The following ZNF726 variants were observed in gnomAD, a reference collection of about 807,000 sequenced individuals.
ZNF726 encodes zinc finger protein 726, also known as zinc finger protein 92 pseudogene 3.
In ZNF726, 15 loss-of-function variants were observed where a neutral mutation model predicts 11.6. The observed-to-expected ratio is 1.29, with a 90% CI of 0.86 to 1.99. ZNF726 has a LOEUF of 1.99. Ranked by LOEUF, ZNF726 falls within the 30% of genes most tolerant of loss-of-function variation. The pLI, the probability that ZNF726 is intolerant of heterozygous loss-of-function variation, is 0.00. For synonymous variants in ZNF726, 295 were observed against 243.6 expected (o/e 1.21, Z -1.96); for missense variants, 890 against 725.6 (o/e 1.23, Z -2.60).
At chr19:23,939,732 G>C (rs113882165) in intron 3 of ZNF726, among the ~76,000 whole-genome samples, 1 of 152,048 alleles carries the variant, frequency 6.6e-6, no homozygotes, top group African/African-American at 2.4e-5. Flanking sequence ...GGAATAAGGT[G>C]GTATGGCATT....
downstream of ZNF726, chr19:23,935,177 A>G (rs1004696506): frequency 2.5e-6 from 1 of 407,852 alleles, no homozygotes; most frequent in Non-Finnish European, 5.0e-6. Context: ...GTGGGGAGAG[A>G]CCCAGTGGGA....
rs530511958 is a variant in ZNF726, at chr19:23,943,594, G to C, written c.322+5G>C. The C allele has an allele frequency of 2.3e-4, 143 of 620,536 alleles. 3 individuals are homozygous for C. The South Asian group carries it at 2.7e-3, about 12-fold the overall frequency. 38.4% of individuals were successfully genotyped at this position (620,536 alleles called of 1,614,324 possible). On this transcript the variant is annotated splice_donor_5th_base_variant and intron_variant, in intron 4 of 4. Transcript: ENST00000334589. ...AGACAGTAGTCAAATACTCAGGTAG[G>C]TAAGCATGAATGAAGCCGATAACAC...
intron 3 of ZNF726, among the ~76,000 whole-genome samples, chr19:23,926,786 T>G (rs1967998980): frequency 6.6e-6 from 1 of 152,142 alleles, no homozygotes; most frequent in Non-Finnish European, 1.5e-5. Context: ...GGGCTCTCTA[T>G]TCTGTTCTTT....
intron 4 of ZNF726, chr19:23,943,811 A>AC: frequency 2.8e-6 from 1 of 362,084 alleles, no homozygotes; most frequent in Non-Finnish European, 5.0e-6. Context: ...CTTTGAGGGT[A>AC]CCATGAGAAC....
Position 23,914,955 on chromosome 19 carries a change from G to C in ZNF726, c.-40G>C, listed in dbSNP as rs200450994. 1,350 of 1,613,320 alleles carry C rather than the reference G, an allele frequency of 8.4e-4. 1 individual carries two copies. Among genetic ancestry groups the C allele is most frequent in the Non-Finnish European group, 9.5e-4 (1,116 of 1,179,970 alleles). On this transcript the variant is annotated 5_prime_UTR_variant, in exon 1 of 4. Coordinates refer to ENST00000594466, the MANE Select transcript of ZNF726 (RefSeq NM_001244038.2). ...TGTGTCTTCTGCTTTTAGGGGCGCA[G>C]CCTCTGTGGCCCTGTGACCTGCCCC...
rs771618952 is a variant in ZNF726 at position 23,933,441 on chromosome 19, A to T, written c.1325A>T (p.Glu442Val). ...KAFIWSSNLT[E>V]HKKIHTREKP... is the part of the protein sequence containing the mutation. ...TTTATATGGTCCTCAAACCTTACTG[A>T]ACATAAGAAAATTCATACTAGAGAG... The change falls in exon 4 of 4, where the codon GAA becomes GTA. Residue 442 changes from glutamate (E) to valine (V), a missense_variant. Coordinates refer to ENST00000594466, the MANE Select transcript of ZNF726 (RefSeq NM_001244038.2). The T allele has an allele frequency of 6.2e-7, 1 of 1,611,806 alleles. No individual in the cohort carries two copies. Among genetic ancestry groups the T allele is most frequent in the Admixed American group, 1.7e-5 (1 of 59,756 alleles).
chr19:23,928,947 G>A (rs962411279), intron 3 of ZNF726: 1 of 151,966 alleles, frequency 6.6e-6, no homozygotes, highest in Non-Finnish European at 1.5e-5. Context: ...CAAGTGTGTA[G>A]CATCACACCT....
At chr19:23,937,254 C>T (rs1039246948), downstream of ZNF726, among the ~76,000 whole-genome samples, 17 of 151,504 alleles carry the variant, frequency 1.1e-4, no homozygotes, top group African/African-American at 7.2e-5. Flanking sequence ...CACCTCCCTC[C>T]CAGCCGGGGC....
In ZNF726 at chr19:23,933,577, C is replaced by T; in HGVS notation, c.1461C>T (p.Gly487=). ...GEKPYKCEEC[G]KAFSQSSTLT... ...AACCCTACAAATGTGAAGAATGTGG[C>T]AAAGCTTTTAGCCAGTCCTCAACCC... Residue 487 remains glycine, a synonymous_variant, in exon 4 of 4, where the codon GGC becomes GGT. Coordinates refer to ENST00000594466, the MANE Select transcript of ZNF726 (RefSeq NM_001244038.2). 6.2e-7 allele frequency: 1 copy of T among 1,610,706 alleles called. No individual in the cohort carries two copies. Among genetic ancestry groups the T allele is most frequent in the Non-Finnish European group, 8.5e-7 (1 of 1,178,872 alleles).
intron 3 of ZNF726, chr19:23,920,986 T>C (rs1967834347): frequency 6.6e-6 from 1 of 152,228 alleles, no homozygotes; most frequent in Non-Finnish European, 1.5e-5. Flanking sequence ...GCATCCTGTT[T>C]TCATTACTAT....
intron 2 of ZNF726, 173 bp downstream of exon 2, chr19:23,919,672 C>T (rs1442569326): frequency 1.2e-6 from 1 of 809,268 alleles, no homozygotes; most frequent in Non-Finnish European, 1.8e-6. Context: ...CTGAAATTTC[C>T]ACATTCCTGA....
chr19:23,917,385 T>C (rs541727939), intron 1 of ZNF726, among the ~76,000 whole-genome samples: 1 of 152,294 alleles, frequency 6.6e-6, no homozygotes, highest in South Asian at 2.1e-4. Flanking sequence ...TTACTTTATC[T>C]TTCTCAGAGT....
At chr19:23,938,502 A>G (rs1302557055), downstream of ZNF726, among the ~76,000 whole-genome samples, 1 of 151,976 alleles carries the variant, frequency 6.6e-6, no homozygotes, top group African/African-American at 2.4e-5. Flanking sequence ...CTTTTGGCTT[A>G]TGCTTCAGAA....
intron 4 of ZNF726, chr19:23,943,614 T>C: frequency 1.7e-6 from 1 of 595,954 alleles, no homozygotes; most frequent in Non-Finnish European, 3.1e-6. Flanking sequence ...ATGAAGCCGA[T>C]AACACAGATG....
chr19:23,926,084 C>A (rs1362017544), intron 3 of ZNF726, among the ~76,000 whole-genome samples: 2 of 152,076 alleles, frequency 1.3e-5, no homozygotes, highest in African/African-American at 4.8e-5. Context: ...TAAATATTTT[C>A]ACCCATTTTC....
intron 1 of ZNF726, among the ~76,000 whole-genome samples, chr19:23,918,903 TTCAGTAAC>T (rs1351248078): frequency 1.3e-5 from 2 of 152,308 alleles, no homozygotes; most frequent in Admixed American, 1.3e-4. Flanking sequence ...TTGATAGAGA[TTCAGTAAC>T]TCAGACTTTA....
At chr19:23,937,096 C>CA (rs1407252664), downstream of ZNF726, among the ~76,000 whole-genome samples, 1 of 150,148 alleles carries the variant, frequency 6.7e-6, no homozygotes, top group Non-Finnish European at 1.5e-5. Flanking sequence ...GCTGACCCCC[C>CA]CCACCTCCCT....
At position 23,919,414 on chromosome 19, in the gene ZNF726, G is replaced by A. The variant is rs1265199927; in HGVS notation, c.45G>A (p.Leu15=). 1.2e-6 allele frequency: 2 copies of A among 1,608,106 alleles called. No homozygotes were observed. Among genetic ancestry groups the A allele is most frequent in the Admixed American group, 3.3e-5 (2 of 59,822 alleles). ...GGGATGTGGCCATAGAATTCTCTCT[G>A]GAGGAGTGGCAGTGCCTGGACACTG... ...TFRDVAIEFS[L]EEWQCLDTAQ... Residue 15 remains leucine (L), a synonymous_variant, in exon 2 of 4, where the codon CTG becomes CTA. Coordinates refer to ENST00000594466, the MANE Select transcript of ZNF726 (RefSeq NM_001244038.2).
At chr19:23,915,227 AGCCCTCTTT>A in intron 1 of ZNF726, among the ~76,000 whole-genome samples, 1 of 152,070 alleles carries the variant, frequency 6.6e-6, no homozygotes, top group Admixed American at 6.6e-5. Flanking sequence ...CCTGGCCTGG[AGCCCTCTTT>A]GGGCAGCTCT....
Sources: allele counts gnomAD v4.1 joint callset (sites outside exome capture counted in the v4.1 genomes callset), GRCh38; gene constraint gnomAD v4.1.1; transcripts MANE v1.5; gene names NCBI Gene and HGNC (gene_info 2026-07-23, HGNC 2026-07-21).